The following NALCN variants were observed in gnomAD, a reference collection of about 807,000 sequenced individuals.
The protein encoded by NALCN is sodium leak channel NALCN.
In NALCN, 111 loss-of-function variants were observed where a neutral mutation model predicts 225.3. That is an observed-to-expected ratio of 0.49 (90% CI 0.42 to 0.58). NALCN has a LOEUF of 0.58. Among genes scored for constraint, NALCN ranks in the 20% least tolerant of loss-of-function variants. The pLI is 0.00. For missense variants in NALCN, 1,378 were observed against 2,202.4 expected (o/e 0.63, Z 7.49); for synonymous variants, 764 against 769.0 (o/e 0.99, Z 0.11).
Position 101,340,803 on chromosome 13 carries a change from ACT to A in NALCN, c.799+4461_799+4462del, listed in dbSNP as rs2045534041. 2.0e-5 allele frequency among the ~76,000 whole-genome samples: 3 copies of A among 152,312 alleles called. No individual in the cohort carries two copies. In the South Asian group the frequency reaches 6.2e-4, roughly 32 times the overall value. On this transcript the variant is annotated intron_variant, in intron 7 of 43. Coordinates refer to ENST00000251127, the MANE Select transcript of NALCN (RefSeq NM_052867.4). ...ACTCTATTCAGAGGTTAAAAAATAT[ACT>A]GTTTGTTACTTTTCTTTTGAGAACT...
intron 13 of NALCN, among the ~76,000 whole-genome samples, chr13:101,205,160 C>A (rs1006269572): frequency 2.6e-5 from 4 of 152,022 alleles, no homozygotes; most frequent in Admixed American, 2.6e-4. Context: ...AAACAAAGAA[C>A]ATACATGCAT....
chr13:101,135,677 GA>G (rs2036749865), intron 17 of NALCN, among the ~76,000 whole-genome samples: 1 of 152,150 alleles, frequency 6.6e-6, no homozygotes, highest in Admixed American at 6.5e-5. Context: ...TATGGGTGTA[GA>G]AATTCGAAAT....
intron 10 of NALCN, among the ~76,000 whole-genome samples, chr13:101,265,468 C>A (rs1413251): frequency 1.3e-5 from 2 of 152,044 alleles, no homozygotes; most frequent in Non-Finnish European, 2.9e-5. Flanking sequence ...CACTTTTTCC[C>A]GCATTGATTC....
chr13:101,175,236 ATTTT>A (rs35230308), intron 15 of NALCN, among the ~76,000 whole-genome samples: 1 of 149,224 alleles, frequency 6.7e-6, no homozygotes, highest in Non-Finnish European at 1.5e-5. Context: ...CTTCATAACA[ATTTT>A]TTTTTGTTTG....
chr13:101,055,829 TA>T (rs201440119), intron 43 of NALCN, among the ~76,000 whole-genome samples: 2 of 151,370 alleles, frequency 1.3e-5, no homozygotes, highest in East Asian at 3.9e-4. Context: ...GCATATGCAA[TA>T]AAAAAAACAA....
intron 7 of NALCN, among the ~76,000 whole-genome samples, chr13:101,336,111 C>G (rs2045369912): frequency 6.6e-6 from 1 of 151,988 alleles, no homozygotes; most frequent in Non-Finnish European, 1.5e-5. Flanking sequence ...CAAGCAAATC[C>G]TGTGTTAAAA....
intron 15 of NALCN, among the ~76,000 whole-genome samples, chr13:101,156,976 A>G (rs1017735893): frequency 6.6e-6 from 1 of 152,198 alleles, no homozygotes; most frequent in African/African-American, 2.4e-5. Context: ...AAAAGGGCTT[A>G]TTAGATACAC....
At chr13:101,274,187 A>T (rs2042899847) in intron 10 of NALCN, among the ~76,000 whole-genome samples, 1 of 152,252 alleles carries the variant, frequency 6.6e-6, no homozygotes, top group South Asian at 2.1e-4. Flanking sequence ...TATATATGTT[A>T]GAACACCTCT....
In NALCN at chr13:101,302,459, C is replaced by T. The variant is rs1005834951; in HGVS notation, c.800-10093G>A. The stretch of plus-strand genomic sequence containing the variant: ...ATTTTAAAAAATCCGATTAGGTCTA[C>T]GTGGGAGGGAAGAAACATACCTGAG... On this transcript the variant is annotated intron_variant, in intron 7 of 43. Transcript: ENST00000251127. Among the ~76,000 whole-genome samples the T allele has an allele frequency of 5.9e-5, 9 of 151,970 alleles. No homozygotes were observed. The South Asian group carries it at 1.9e-3, about 32-fold the overall frequency.
chr13:101,142,733 G>A (rs2037148521), intron 17 of NALCN: 2 of 303,906 alleles, frequency 6.6e-6, no homozygotes, highest in South Asian at 3.2e-5. Flanking sequence ...GTAGACATAA[G>A]CAGTTGTACT....
At chr13:101,285,776 C>A (rs1030182016) in intron 9 of NALCN, among the ~76,000 whole-genome samples, 62 of 152,036 alleles carry the variant, frequency 4.1e-4, no homozygotes, top group African/African-American at 1.4e-3. Flanking sequence ...GAGATGCAAA[C>A]CTGTTATAGG....
intron 12 of NALCN, among the ~76,000 whole-genome samples, chr13:101,231,682 A>G (rs1332061959): frequency 6.6e-6 from 1 of 152,244 alleles, no homozygotes; most frequent in African/African-American, 2.4e-5. Flanking sequence ...GATGTCAATA[A>G]GAGATTGAGT....
At chr13:101,096,984 C>G (rs544337476) in intron 27 of NALCN, among the ~76,000 whole-genome samples, 87 of 152,222 alleles carry the variant, frequency 5.7e-4, no homozygotes, top group African/African-American at 2.1e-3. Context: ...TGGCCTCCTC[C>G]TTTCTGTCCC....
At chr13:101,179,472 G>A (rs1384272617) in intron 14 of NALCN, among the ~76,000 whole-genome samples, 1 of 152,116 alleles carries the variant, frequency 6.6e-6, no homozygotes, top group Non-Finnish European at 1.5e-5. Flanking sequence ...CTCCATTTCT[G>A]TTGGGGGCTG....
intron 18 of NALCN, among the ~76,000 whole-genome samples, chr13:101,122,591 C>G (rs1270938767): frequency 2.0e-5 from 3 of 152,122 alleles, no homozygotes; most frequent in Non-Finnish European, 2.9e-5. Context: ...TCTTGCACCA[C>G]GTTAAATAGA....
intron 28 of NALCN, among the ~76,000 whole-genome samples, chr13:101,094,658 T>G (rs1349567570): frequency 6.6e-6 from 1 of 152,100 alleles, no homozygotes; most frequent in Non-Finnish European, 1.5e-5. Flanking sequence ...TGAATCCTTT[T>G]TCTCAGTTCT....
intron 6 of NALCN, among the ~76,000 whole-genome samples, chr13:101,352,587 C>T (rs886487842): frequency 1.3e-5 from 2 of 152,132 alleles, no homozygotes; most frequent in African/African-American, 4.8e-5. Flanking sequence ...TTTTAAACTA[C>T]ACTGTTAGAG....
At chr13:101,229,207 T>C (rs2041255414) in intron 13 of NALCN, among the ~76,000 whole-genome samples, 186 bp downstream of exon 13, 1 of 152,170 alleles carries the variant, frequency 6.6e-6, no homozygotes, top group Non-Finnish European at 1.5e-5. Flanking sequence ...CTGACAATGC[T>C]GAAAATGGTC....
rs1486989329 is a variant in NALCN at position 101,416,489 on chromosome 13, C to G, written c.-216G>C. On this transcript the variant is annotated 5_prime_UTR_variant, in exon 1 of 44. Transcript: ENST00000251127. ...TCGGCCCGGCTGGGGCCGCGGCTCA[C>G]GCTCGCCGTGTCACTCACTGAGCGC... The G allele has an allele frequency of 1.3e-5, 2 of 151,798 alleles. No individual in the cohort carries two copies. Among genetic ancestry groups the G allele is most frequent in the African/African-American group, 2.4e-5 (1 of 41,402 alleles). The allele number at this position is 151,798 out of a possible 1,614,324, so 9.4% of individuals were successfully genotyped here. A position where few individuals can be genotyped will look rare whatever the true frequency, so the allele number is the denominator to read the frequency against.
Sources: gnomAD v4.1 joint callset for allele counts (sites outside exome capture counted in the v4.1 genomes callset) on GRCh38, gnomAD v4.1.1 for gene constraint, MANE v1.5 for transcripts, NCBI Gene and HGNC (gene_info 2026-07-23, HGNC 2026-07-21) for gene names.